Variants in TAF1C observed in about 807,000 individuals in gnomAD.
TAF1C encodes the protein TATA-box binding protein associated factor, RNA polymerase I subunit C.
TAF1C carries 79 observed loss-of-function variants against 70.5 expected under a neutral mutation model. That is an observed-to-expected ratio of 1.12 (90% CI 0.93 to 1.35). TAF1C has a LOEUF of 1.35. TAF1C is among the 40% of genes most tolerant of loss of function. The probability of loss-of-function intolerance (pLI) is 0.00; values close to 1 mark genes in which losing one functional copy is unlikely to be tolerated. For synonymous variants in TAF1C, 614 were observed against 491.1 expected (o/e 1.25, Z -3.31); for missense variants, 1,412 against 1,127.8 (o/e 1.25, Z -3.61).
In TAF1C at chr16:84,178,646, A is replaced by C; in HGVS notation, c.*295T>G. 2.1e-6 allele frequency: 1 copy of C among 474,844 alleles called. No homozygotes were observed. The highest frequency in any genetic ancestry group is 3.9e-6 in the Non-Finnish European group (1 of 257,840). The allele number at this position is 474,844 out of a possible 1,614,324, so 29.4% of individuals were successfully genotyped here. A position where few individuals can be genotyped will look rare whatever the true frequency, so the allele number is the denominator to read the frequency against. ...CCTGAGGCCCCCACAGCTGAGGCGC[A>C]GCGGAGCCCTGCCTCCCAGCACAGA... is the stretch of plus-strand genomic sequence containing the variant. On this transcript the variant is annotated 3_prime_UTR_variant, in exon 15 of 15. Transcript: ENST00000566732.
Position 84,178,590 on chromosome 16 carries a change from G to A in TAF1C, c.*351C>T, listed in dbSNP as rs1439883246. ...CAGCACTCCTGGCCCCCATTCCACT[G>A]GACAGGAAGGCGTGAGAACTGAGGG... On this transcript the variant is annotated 3_prime_UTR_variant, in exon 15 of 15. Coordinates refer to ENST00000566732, the MANE Select transcript of TAF1C (RefSeq NM_001243156.2). 9.5e-6 allele frequency: 4 copies of A among 422,314 alleles called. No individual in the cohort carries two copies. Among genetic ancestry groups the A allele is most frequent in the Middle Eastern group, 7.7e-4 (1 of 1,304 alleles). 26.2% of individuals were successfully genotyped at this position (422,314 alleles called of 1,614,324 possible).
intron 1 of TAF1C, among the ~76,000 whole-genome samples, chr16:84,186,009 A>G (rs2089463279): frequency 6.6e-6 from 1 of 152,250 alleles, no homozygotes; most frequent in Non-Finnish European, 1.5e-5. Flanking sequence ...AGGGGCAAAA[A>G]TAACAGCAGC....
chr16:84,184,102 C>T (rs1016090770), intron 2 of TAF1C, among the ~76,000 whole-genome samples: 3 of 152,224 alleles, frequency 2.0e-5, no homozygotes, highest in Non-Finnish European at 4.4e-5. Flanking sequence ...TCTCACGTAA[C>T]CTCACTTCCA....
intron 13 of TAF1C, 27 bp downstream of exon 13, chr16:84,180,143 G>C: frequency 1.9e-6 from 3 of 1,559,384 alleles, no homozygotes; most frequent in Non-Finnish European, 1.7e-6. Flanking sequence ...TCTCCCACAC[G>C]CCGCCCACCC....
rs927805613 is a variant in TAF1C at position 84,179,495 on chromosome 16, T to C, written c.1978A>G (p.Met660Val). 12 of 1,601,884 alleles carry C rather than the reference T, an allele frequency of 7.5e-6. No homozygotes were observed. Among genetic ancestry groups the C allele is most frequent in the Admixed American group, 1.7e-5 (1 of 59,844 alleles). ...GQRLGVLRKA[M>V]ARGQLLLQRD... ...TGCAGCAGGAGCTGCCCTCGGGCCA[T>C]GGCCTTGCGGAGCACACCCAGCCGC... is the stretch of plus-strand genomic sequence containing the variant. Residue 660 changes from methionine (M) to valine (V), a missense_variant, in exon 15 of 15, where the codon ATG becomes GTG. Coordinates refer to ENST00000566732, the MANE Select transcript of TAF1C (RefSeq NM_001243156.2).
At chr16:84,185,164 T>A in intron 1 of TAF1C, 104 bp from the exon 2 acceptor site, 1 of 704,144 alleles carries the variant, frequency 1.4e-6, no homozygotes, top group Non-Finnish European at 2.2e-6. Context: ...AGAACTGTAT[T>A]AAAGCCAACC....
Position 84,183,327 on chromosome 16 carries a change from G to T in TAF1C, c.325C>A (p.Arg109=), listed in dbSNP as rs773127305. ...VVLDVTEQIS[R]FLLDHGDVAF... is the part of the protein sequence containing the mutation. Reference sequence around the variant, plus strand: ...ACGTCTCCATGATCCAAGAGGAACCGGCTGATCTGGGGAGAAGAGGAGGCC... The same window carrying T: ...ACGTCTCCATGATCCAAGAGGAACCTGCTGATCTGGGGAGAAGAGGAGGCC... Residue 109 remains arginine, a synonymous_variant, in exon 5 of 15, where the codon CGG becomes AGG. Coordinates refer to ENST00000566732, the MANE Select transcript of TAF1C (RefSeq NM_001243156.2). 7.4e-6 allele frequency: 12 copies of T among 1,613,980 alleles called. No homozygotes were observed. Among genetic ancestry groups the T allele is most frequent in the Non-Finnish European group, 1.0e-5 (12 of 1,180,030 alleles).
Position 84,178,588 on chromosome 16 carries a change from C to A in TAF1C, c.*353G>T, listed in dbSNP as rs2088880347. On this transcript the variant is annotated 3_prime_UTR_variant, in exon 15 of 15. Transcript: ENST00000566732. ...GCCAGCACTCCTGGCCCCCATTCCACTGGACAGGAAGGCGTGAGAACTGAG... is the reference window on the plus strand; with the variant it reads ...GCCAGCACTCCTGGCCCCCATTCCAATGGACAGGAAGGCGTGAGAACTGAG... The A allele has an allele frequency of 1.2e-5, 5 of 430,438 alleles. No individual in the cohort carries two copies. Among genetic ancestry groups the A allele is most frequent in the Middle Eastern group, 7.4e-4 (1 of 1,348 alleles). The allele number at this position is 430,438 out of a possible 1,614,324, so 26.7% of individuals were successfully genotyped here.
intron 1 of TAF1C, among the ~76,000 whole-genome samples, chr16:84,185,918 C>T (rs190838847): frequency 7.2e-5 from 11 of 152,184 alleles, no homozygotes; most frequent in East Asian, 3.9e-4. Flanking sequence ...AAAAAAATTA[C>T]ATCACAAGGC....
intron 12 of TAF1C, chr16:84,180,740 C>T (rs1162721176): frequency 4.1e-6 from 5 of 1,225,418 alleles, no homozygotes. Flanking sequence ...GCCCCCGCCT[C>T]CTGCACAGCA....
At position 84,179,731 on chromosome 16, in the gene TAF1C, A is replaced by T; in HGVS notation, c.1742T>A (p.Leu581His). 1 of 1,611,842 alleles carries T rather than the reference A, an allele frequency of 6.2e-7. No homozygotes were observed. Among genetic ancestry groups the T allele is most frequent in the Non-Finnish European group, 8.5e-7 (1 of 1,179,738 alleles). Reference protein sequence around the residue: ...QQLRPQVDSSLRRDAGPPGDT... With the variant: ...QQLRPQVDSSHRRDAGPPGDT... Reference sequence around the variant, plus strand: ...GCCAGGAGGCCCAGCATCTCTGCGGAGGCTGGAGTCCACCTGGGGGCGGAG... The same window carrying T: ...GCCAGGAGGCCCAGCATCTCTGCGGTGGCTGGAGTCCACCTGGGGGCGGAG... The change falls in exon 15 of 15, where the codon CTC (leucine) becomes CAC (histidine). Residue 581 changes from leucine (L) to histidine (H), a missense_variant. Transcript: ENST00000566732.
Position 84,182,474 on chromosome 16 carries a change from G to A in TAF1C, c.483-34C>T. The A allele has an allele frequency of 6.4e-7, 1 of 1,572,842 alleles. No homozygotes were observed. Among genetic ancestry groups the A allele is most frequent in the Non-Finnish European group, 8.6e-7 (1 of 1,161,586 alleles). ...CAGAGAACAGCAGGAGGATCACTCG[G>A]TGGCACTCAGGGGAGGACAGGTCCC... On this transcript the variant is annotated intron_variant, in intron 6 of 14. Transcript: ENST00000566732. The surrounding 1 kb of genome is among the most constrained non-coding windows in gnomAD (Gnocchi z 5.0).
chr16:84,184,978 G>A lies in TAF1C; in HGVS notation c.11C>T (p.Pro4Leu). The A allele has an allele frequency of 2.5e-6, 4 of 1,613,408 alleles. No homozygotes were observed. The highest frequency in any genetic ancestry group is 1.7e-6 in the Non-Finnish European group (2 of 1,179,702). Residue 4 changes from proline (P) to leucine (L), a missense_variant, in exon 2 of 15, where the codon CCC becomes CTC. Physicochemically the swap from Pro to Leu is moderately conservative, Grantham distance 98. Transcript: ENST00000566732. MDF[P>L]SSLRPALFLT... ...AAACAATGCAGGGCGGAGGGAGCTG[G>A]GGAAGTCCATCCTGGAAACAAGGAC... is the stretch of plus-strand genomic sequence containing the variant.
At chr16:84,180,400 T>C in intron 12 of TAF1C, 56 bp from the exon 13 acceptor site, 10 of 1,502,874 alleles carry the variant, frequency 6.7e-6, no homozygotes, top group South Asian at 2.5e-5. Context: ...AGCTGTGTAG[T>C]GGCCCTCCAG....
chr16:84,179,784 C>G lies in TAF1C; in HGVS notation c.1689G>C (p.Ser563=), dbSNP rs377711443. The G allele has an allele frequency of 3.7e-6, 6 of 1,609,772 alleles. No individual in the cohort carries two copies. In the African/African-American group the frequency reaches 5.3e-5, roughly 14 times the overall value. Residue 563 remains serine, a synonymous_variant, in exon 15 of 15, where the codon TCG becomes TCC. Coordinates refer to ENST00000566732, the MANE Select transcript of TAF1C (RefSeq NM_001243156.2). ...PTPGLVLFQL[S]AAGDVFYQQL... is the part of the protein sequence containing the mutation. ...GCTGGTAGAAGACATCTCCCGCCGC[C>G]GAGAGCTGGAAGAGCACCAGGCCTG...
rs763647520 is a variant in TAF1C, at chr16:84,180,082, T to C, written c.1485A>G (p.Gly495=). ...GGQLQLLHLA[G]EGASVPRLAG... is the part of the protein sequence containing the mutation. ...CCAGGCGGGGCACCGACGCCCCTTC[T>C]CCTGAGGAAGGACAGACAGCTGAGG... is the stretch of plus-strand genomic sequence containing the variant. The change falls in exon 14 of 15, where the codon GGA becomes GGG. Residue 495 remains glycine (G), a splice_region_variant and synonymous_variant. Transcript: ENST00000566732. 1.3e-6 allele frequency: 2 copies of C among 1,592,990 alleles called. No homozygotes were observed. The highest frequency in any genetic ancestry group is 1.7e-6 in the Non-Finnish European group (2 of 1,171,468).
In TAF1C at chr16:84,181,644, G is replaced by T. The variant is rs746550113; in HGVS notation, c.976C>A (p.Leu326Met). The part of the protein sequence containing the change: ...ISLSPHLPGE[L>M]AICSRSGAVC... ...GCTCCCGAGCGGCTGCAGATGGCCAGCTCCCCGGGCAGGTGAGGGCTACAG... is the reference window on the plus strand; with the variant it reads ...GCTCCCGAGCGGCTGCAGATGGCCATCTCCCCGGGCAGGTGAGGGCTACAG... The change falls in exon 10 of 15, where the codon CTG becomes ATG. Residue 326 changes from leucine (L) to methionine (M), a missense_variant. By Grantham distance (15) the Leu-to-Met change is conservative. Coordinates refer to ENST00000566732, the MANE Select transcript of TAF1C (RefSeq NM_001243156.2). 8.1e-6 allele frequency: 13 copies of T among 1,613,748 alleles called. No individual in the cohort carries two copies. In the Admixed American group the frequency reaches 1.8e-4, roughly 23 times the overall value.
intron 1 of TAF1C, among the ~76,000 whole-genome samples, chr16:84,186,073 C>T (rs1363344421): frequency 2.0e-5 from 3 of 152,224 alleles, no homozygotes; most frequent in East Asian, 1.9e-4. Flanking sequence ...AAATGCTGCA[C>T]TCTTCTATCG....
intron 12 of TAF1C, 82 bp from the exon 13 acceptor site, chr16:84,180,426 C>T: frequency 3.6e-6 from 5 of 1,399,076 alleles, no homozygotes; most frequent in Non-Finnish European, 4.8e-6. Flanking sequence ...ATGTGGCTCT[C>T]CAGGTGAGTG....
Sources: gnomAD v4.1 joint callset for allele counts (sites outside exome capture counted in the v4.1 genomes callset) on GRCh38, gnomAD v4.1.1 for gene constraint, Gnocchi (gnomAD v3.1) non-coding constraint, MANE v1.5 for transcripts, NCBI Gene and HGNC (gene_info 2026-07-23, HGNC 2026-07-21) for gene names.